The following FIRRM variants were observed in gnomAD, a reference collection of about 807,000 sequenced individuals.
FIRRM encodes FIGNL1 interacting regulator of recombination and mitosis, also known as FIGNL1-interacting regulator of recombination and mitosis.
the FIRRM span, among the ~76,000 whole-genome samples, chr1:169,838,445 G>A: frequency 3.3e-5 from 5 of 152,052 alleles, no homozygotes; most frequent in Non-Finnish European, 5.9e-5. Flanking sequence ...TAGTCCAGCA[G>A]GTTGTTCAAC....
At chr1:169,853,386 C>CATTT in the FIRRM span, 2 of 341,010 alleles carry the variant, frequency 5.9e-6, no homozygotes, top group East Asian at 1.1e-4. Flanking sequence ...GCTTGAATTA[C>CATTT]ATTTTCTTTA....
the FIRRM span, among the ~76,000 whole-genome samples, chr1:169,815,843 G>A: frequency 5.9e-5 from 9 of 152,082 alleles, no homozygotes; most frequent in Non-Finnish European, 7.4e-5. Flanking sequence ...CCTTTTATAA[G>A]GGAACCCTTA....
At chr1:169,830,828 A>G in the FIRRM span, 7 of 1,238,284 alleles carry the variant, frequency 5.7e-6, no homozygotes, top group Non-Finnish European at 1.2e-6. Flanking sequence ...GAATGTGAAT[A>G]TCGGCGGGAG....
chr1:169,809,989 A>G, the FIRRM span, among the ~76,000 whole-genome samples: 1 of 152,204 alleles, frequency 6.6e-6, no homozygotes, highest in East Asian at 1.9e-4. Context: ...GGGAAGCCCA[A>G]TATCAAGGCA....
At chr1:169,850,482 T>A in the FIRRM span, 1 of 605,504 alleles carries the variant, frequency 1.7e-6, no homozygotes, top group Non-Finnish European at 2.9e-6. Context: ...CGACTTTTAC[T>A]AAGCAATTGA....
chr1:169,808,552 G>T, the FIRRM span, among the ~76,000 whole-genome samples: 1 of 150,962 alleles, frequency 6.6e-6, no homozygotes, highest in Non-Finnish European at 1.5e-5. Flanking sequence ...TTTAACTATA[G>T]TAGTCCTAAA....
the FIRRM span, chr1:169,795,913 G>C: frequency 1.0e-6 from 1 of 985,432 alleles, no homozygotes; most frequent in Non-Finnish European, 1.2e-6. Flanking sequence ...TCTTCGTCCG[G>C]GTGCAGCACA....
the FIRRM span, among the ~76,000 whole-genome samples, chr1:169,843,320 T>C: frequency 6.6e-6 from 1 of 152,192 alleles, no homozygotes; most frequent in Admixed American, 6.5e-5. Context: ...ACCAAAATTA[T>C]GAAGAAGGGA....
the FIRRM span, among the ~76,000 whole-genome samples, chr1:169,798,626 T>C: frequency 1.3e-5 from 2 of 152,208 alleles, no homozygotes; most frequent in Non-Finnish European, 2.9e-5. Context: ...CTGTGGATTA[T>C]TGTAGCATTG....
the FIRRM span, chr1:169,842,532 T>A: frequency 1.9e-6 from 3 of 1,613,530 alleles, no homozygotes; most frequent in African/African-American, 1.3e-5. Context: ...TTTTTAAACA[T>A]TAAACAGGTA....
chr1:169,802,396 T>C, the FIRRM span, among the ~76,000 whole-genome samples: 1 of 152,160 alleles, frequency 6.6e-6, no homozygotes, highest in African/African-American at 2.4e-5. Context: ...ACCATAGAAA[T>C]GGAAAATAAA....
the FIRRM span, among the ~76,000 whole-genome samples, chr1:169,796,227 C>G: frequency 1.3e-5 from 2 of 152,170 alleles, no homozygotes; most frequent in Non-Finnish European, 2.9e-5. Flanking sequence ...CAAGGAGTTT[C>G]AACTTGAAAA....
chr1:169,808,758 C>T, the FIRRM span, among the ~76,000 whole-genome samples: 1 of 152,206 alleles, frequency 6.6e-6, no homozygotes, highest in South Asian at 2.1e-4. Context: ...GCGCCTGCCA[C>T]CACGCCTGGC....
chr1:169,852,374 A>G, the FIRRM span: 99 of 272,148 alleles, frequency 3.6e-4, no homozygotes, highest in African/African-American at 1.8e-3. Context: ...TATTCAAAAT[A>G]TTGTTTTGAG....
the FIRRM span, chr1:169,795,859 T>C: frequency 2.0e-6 from 2 of 985,120 alleles, no homozygotes; most frequent in Admixed American, 1.2e-4. Context: ...GTTCTTCCGC[T>C]TGTTGTTGGC....
the FIRRM span, chr1:169,827,575 T>G: frequency 1.1e-6 from 1 of 903,774 alleles, no homozygotes; most frequent in Non-Finnish European, 1.7e-6. Context: ...ACGGTGGAGG[T>G]TGCAGTGAGC....
chr1:169,852,776 TG>T, the FIRRM span: 2 of 1,612,304 alleles, frequency 1.2e-6, no homozygotes, highest in Non-Finnish European at 1.7e-6. Flanking sequence ...ATATTACTTA[TG>T]TTTTTTTTCC....
the FIRRM span, among the ~76,000 whole-genome samples, chr1:169,809,801 A>G: frequency 6.6e-6 from 1 of 152,204 alleles, no homozygotes; most frequent in Admixed American, 6.5e-5. Context: ...AATTCTGATC[A>G]GCGACGCCCT....
At chr1:169,810,716 A>G in the FIRRM span, among the ~76,000 whole-genome samples, 37 of 152,222 alleles carry the variant, frequency 2.4e-4, no homozygotes, top group Non-Finnish European at 4.0e-4. Flanking sequence ...AGTTCAACCC[A>G]TAACAACCCC....
Sources: gnomAD v4.1 joint callset for allele counts (sites outside exome capture counted in the v4.1 genomes callset) on GRCh38, gnomAD v4.1.1 for gene constraint, MANE v1.5 for transcripts, NCBI Gene and HGNC (gene_info 2026-07-23, HGNC 2026-07-21) for gene names.